CDKAL1: variants seen among roughly 807,000 people sequenced by gnomAD.
The protein encoded by CDKAL1 is CDKAL1 threonylcarbamoyladenosine tRNA methylthiotransferase.
A neutral mutation model predicts 68.2 loss-of-function variants in CDKAL1; 32 were observed. The ratio of observed to expected loss-of-function variants is 0.47; its 90% CI spans 0.35 to 0.63. The LOEUF (loss-of-function observed/expected upper bound fraction) is 0.63, where lower values mean the gene tolerates loss of function less well. CDKAL1 is among the 30% of genes least tolerant of loss of function. The pLI is 0.00. For missense variants in CDKAL1, 606 were observed against 696.7 expected, an observed-to-expected ratio of 0.87 and a Z score of 1.47; for synonymous variants, 234 against 244.3, an observed-to-expected ratio of 0.96 and a Z score of 0.39.
intron 10 of CDKAL1, among the ~76,000 whole-genome samples, chr6:20,965,673 G>T (rs1445873591): frequency 6.6e-6 from 1 of 152,090 alleles, no homozygotes; most frequent in Non-Finnish European, 1.5e-5. Flanking sequence ...ATATGTATAT[G>T]GTTTAATTTA....
At chr6:21,192,174 A>G (rs1778280665) in intron 13 of CDKAL1, among the ~76,000 whole-genome samples, 1 of 146,366 alleles carries the variant, frequency 6.8e-6, no homozygotes, top group South Asian at 2.2e-4. Context: ...GGCGCCCACC[A>G]CCGCGCCCGG....
chr6:21,149,794 C>T (rs1014279652), intron 13 of CDKAL1, among the ~76,000 whole-genome samples: 1 of 152,166 alleles, frequency 6.6e-6, no homozygotes, highest in African/African-American at 2.4e-5. Flanking sequence ...ATCTATCAAT[C>T]TTGAGTAATT....
intron 8 of CDKAL1, among the ~76,000 whole-genome samples, chr6:20,828,115 T>C (rs962294238): frequency 6.6e-6 from 1 of 152,168 alleles, no homozygotes; most frequent in African/African-American, 2.4e-5. Flanking sequence ...GGGAGAACAA[T>C]TTCTGCTGTT....
chr6:21,172,887 ATTAT>A (rs1562091174), intron 13 of CDKAL1, among the ~76,000 whole-genome samples: 1 of 152,140 alleles, frequency 6.6e-6, no homozygotes, highest in African/African-American at 2.4e-5. Context: ...AATTTTTATA[ATTAT>A]TTTCTCCAAT....
In CDKAL1 at chr6:20,816,130, C is replaced by T. The variant is rs201282538; in HGVS notation, c.639-29945C>T. ...CATGGCCTTAATATGTCCCCCCCCC[C>T]GCCTTTTTTTTTTAAGGACAACAGT... On this transcript the variant is annotated intron_variant, in intron 8 of 15. Coordinates refer to ENST00000274695, the MANE Select transcript of CDKAL1 (RefSeq NM_017774.3). 3.6e-5 allele frequency among the ~76,000 whole-genome samples: 5 copies of T among 140,184 alleles called. No homozygotes were observed. The East Asian group carries it at 6.4e-4, about 18-fold the overall frequency. 92.0% of individuals were successfully genotyped at this position (140,184 alleles called of 152,430 possible).
chr6:20,745,662 T>G (rs1258297665), intron 6 of CDKAL1, among the ~76,000 whole-genome samples: 1 of 152,166 alleles, frequency 6.6e-6, no homozygotes, highest in Non-Finnish European at 1.5e-5. Context: ...GGAACTAGAT[T>G]GCGTGGGTTC....
At chr6:20,860,562 C>T (rs1459634541) in intron 9 of CDKAL1, among the ~76,000 whole-genome samples, 6 of 152,098 alleles carry the variant, frequency 3.9e-5, no homozygotes, top group Admixed American at 2.6e-4. Context: ...CGGTGGCTCA[C>T]GCCTGTAATC....
chr6:20,799,469 C>A (rs1276422966), intron 8 of CDKAL1, among the ~76,000 whole-genome samples: 1 of 142,840 alleles, frequency 7.0e-6, no homozygotes, highest in Non-Finnish European at 1.5e-5. Flanking sequence ...AGACAGTTAC[C>A]ACACCTACTG....
At chr6:20,613,095 T>TAC (rs1049368163) in intron 4 of CDKAL1, among the ~76,000 whole-genome samples, 4 of 151,672 alleles carry the variant, frequency 2.6e-5, no homozygotes, top group African/African-American at 9.7e-5. Context: ...CATATATATA[T>TAC]ACATACATAA....
chr6:21,079,290 C>G (rs898002181), intron 12 of CDKAL1, among the ~76,000 whole-genome samples: 1 of 152,064 alleles, frequency 6.6e-6, no homozygotes, highest in Non-Finnish European at 1.5e-5. Flanking sequence ...TAGCTTTAAA[C>G]TGTCCTGTGG....
chr6:20,826,263 ACAGT>A (rs1777498730), intron 8 of CDKAL1, among the ~76,000 whole-genome samples: 1 of 152,214 alleles, frequency 6.6e-6, no homozygotes, highest in African/African-American at 2.4e-5. Flanking sequence ...ACTTAAAAAT[ACAGT>A]CAGTGTCACA....
At chr6:20,985,355 G>A (rs1766397977) in intron 10 of CDKAL1, among the ~76,000 whole-genome samples, 1 of 152,086 alleles carries the variant, frequency 6.6e-6, no homozygotes, top group Non-Finnish European at 1.5e-5. Flanking sequence ...GTGCAGTGCT[G>A]CGATCTCGGC....
At chr6:21,029,192 C>A (rs1769126743) in intron 11 of CDKAL1, among the ~76,000 whole-genome samples, 1 of 152,116 alleles carries the variant, frequency 6.6e-6, no homozygotes, top group Non-Finnish European at 1.5e-5. Context: ...GGACTACAGA[C>A]AGGTGCCACC....
intron 9 of CDKAL1, among the ~76,000 whole-genome samples, chr6:20,861,431 A>T (rs1478537837): frequency 2.0e-5 from 3 of 152,228 alleles, no homozygotes; most frequent in Admixed American, 1.3e-4. Context: ...CATAAAAATT[A>T]TTTAAATATT....
chr6:20,857,754 T>G (rs946971572), intron 9 of CDKAL1, among the ~76,000 whole-genome samples: 1 of 152,190 alleles, frequency 6.6e-6, no homozygotes, highest in African/African-American at 2.4e-5. Flanking sequence ...GGGGAAGAAA[T>G]GTACCATTTA....
intron 5 of CDKAL1, among the ~76,000 whole-genome samples, chr6:20,661,915 C>A (rs916635013): frequency 6.6e-6 from 1 of 152,164 alleles, no homozygotes; most frequent in African/African-American, 2.4e-5. Context: ...GTTGTCCTAA[C>A]AACTCTGTAG....
At chr6:20,622,641 T>C (rs939105580) in intron 4 of CDKAL1, among the ~76,000 whole-genome samples, 1 of 152,116 alleles carries the variant, frequency 6.6e-6, no homozygotes, top group Admixed American at 6.6e-5. Flanking sequence ...GTTTAGTTCA[T>C]TGGGTTCAGA....
chr6:21,038,033 C>A (rs768352944), intron 11 of CDKAL1, among the ~76,000 whole-genome samples: 1 of 152,106 alleles, frequency 6.6e-6, no homozygotes, highest in Non-Finnish European at 1.5e-5. Context: ...ACATGAAAGA[C>A]AAGCATGATT....
At chr6:20,744,372 T>C (rs1186395437) in intron 6 of CDKAL1, among the ~76,000 whole-genome samples, 1 of 152,160 alleles carries the variant, frequency 6.6e-6, no homozygotes, top group Non-Finnish European at 1.5e-5. Flanking sequence ...TTTATTTGGT[T>C]CAGCAAGTAC....
Sources: allele counts gnomAD v4.1 joint callset (sites outside exome capture counted in the v4.1 genomes callset), GRCh38; gene constraint gnomAD v4.1.1; transcripts MANE v1.5; gene names NCBI Gene and HGNC (gene_info 2026-07-23, HGNC 2026-07-21).